The following CELF2 variants were observed in gnomAD, a reference collection of about 807,000 sequenced individuals.
CELF2 encodes the protein CUG triplet repeat RNA-binding protein 2.
In CELF2, 8 loss-of-function variants were observed where a neutral mutation model predicts 62.6. The ratio of observed to expected loss-of-function variants is 0.13; its 90% CI spans 0.07 to 0.23. The LOEUF (loss-of-function observed/expected upper bound fraction) is 0.23. Ranked by LOEUF, CELF2 falls within the 10% of genes least tolerant of loss-of-function variation. The pLI is 1.00. For missense variants in CELF2, 333 were observed against 671.0 expected (o/e 0.50, Z 5.56); for synonymous variants, 258 against 250.0 (o/e 1.03, Z -0.30).
At chr10:10,791,553 ATAGTT>A in the CELF2 span, among the ~76,000 whole-genome samples, 1 of 152,194 alleles carries the variant, frequency 6.6e-6, no homozygotes, top group Non-Finnish European at 1.5e-5. Context: ...TTTTACTAGA[ATAGTT>A]TAGTGTATTT....
rs767636820 is a variant in CELF2 at position 11,207,004 on chromosome 10, A to G, written c.272-10421A>G. Among the ~76,000 whole-genome samples, 16 of 152,232 alleles carry G rather than the reference A, an allele frequency of 1.1e-4. No homozygotes were observed. Among genetic ancestry groups the G allele is most frequent in the Non-Finnish European group, 1.8e-4 (12 of 68,042 alleles). ...AAAGGATGATGCTGAAATTCTTCCA[A>G]TGCTTTCATAGCTATTAGACAATTG... On this transcript the variant is annotated intron_variant, in intron 2 of 12. Coordinates refer to ENST00000633077, the MANE Select transcript of CELF2 (RefSeq NM_001326342.2). This position sits in a 1 kb window ranked among gnomAD's most constrained non-coding sequence, Gnocchi z 4.1.
At chr10:11,164,187 G>A (rs538795464) in intron 1 of CELF2, among the ~76,000 whole-genome samples, 1 of 152,344 alleles carries the variant, frequency 6.6e-6, no homozygotes, top group South Asian at 2.1e-4. Flanking sequence ...GCGCAGTGCT[G>A]CAAATGAGCT....
At chr10:11,014,373 C>T (rs78511916), upstream of CELF2, among the ~76,000 whole-genome samples, 1,274 of 152,298 alleles carry the variant, frequency 8.4e-3, 19 homozygotes, top group African/African-American at 0.029. Context: ...GGAAATGTCA[C>T]AAGATATACA....
rs59198738 is a variant in CELF2, at chr10:11,232,689, C to T, written c.354+15182C>T. 4.7e-3 allele frequency among the ~76,000 whole-genome samples: 711 copies of T among 152,278 alleles called. 11 individuals carry two copies. Among genetic ancestry groups the T allele is most frequent in the African/African-American group, 0.016 (678 of 41,556 alleles). On this transcript the variant is annotated intron_variant, in intron 3 of 12. Transcript: ENST00000633077. Reference sequence around the variant, plus strand: ...TGGTACTGATTTCAAGGACACACCACGCTATATTTTTACATAATCTGCTTC... The same window carrying T: ...TGGTACTGATTTCAAGGACACACCATGCTATATTTTTACATAATCTGCTTC...
In CELF2 at chr10:11,018,116, C is replaced by G. The variant is rs1296008747; in HGVS notation, c.27C>G (p.Phe9Leu). The G allele has an allele frequency of 6.6e-7, 1 of 1,512,408 alleles. No homozygotes were observed. Among genetic ancestry groups the G allele is most frequent in the Non-Finnish European group, 8.9e-7 (1 of 1,126,506 alleles). 93.7% of individuals were successfully genotyped at this position (1,512,408 alleles called of 1,614,324 possible). A position where few individuals can be genotyped will look rare whatever the true frequency, so the allele number is the denominator to read the frequency against. The change falls in exon 1 of 13, where the codon TTC becomes TTG. Residue 9 changes from phenylalanine (F) to leucine (L), a missense_variant. Around this residue, in one of 3 missense-constraint regions of CELF2, gnomAD observed 45 missense variants for 39.8 expected, o/e 1.13. Transcript: ENST00000633077. MTSAFKLD[F>L]LPDMMVEGRL... ...TGACTTCTGCCTTCAAGCTGGATTT[C>G]CTCCCGGACATGATGGTCGAGGGCC...
At chr10:10,723,239 G>T in the CELF2 span, among the ~76,000 whole-genome samples, 1 of 152,138 alleles carries the variant, frequency 6.6e-6, no homozygotes, top group Non-Finnish European at 1.5e-5. Context: ...GAAGCATTGC[G>T]CTGTGAGTAT....
chr10:10,696,288 G>GC, the CELF2 span, among the ~76,000 whole-genome samples: 1 of 151,366 alleles, frequency 6.6e-6, no homozygotes, highest in Non-Finnish European at 1.5e-5. Flanking sequence ...TGCCCCTGCT[G>GC]GGGGGTGCCT....
In CELF2 at chr10:10,990,001, G is replaced by A. The variant is rs1012082115; in HGVS notation, c.89+70002G>A. Among the ~76,000 whole-genome samples the A allele has an allele frequency of 7.9e-5, 12 of 152,034 alleles. No individual in the cohort carries two copies. The highest frequency in any genetic ancestry group is 2.9e-4 in the African/African-American group (12 of 41,428). ...TAGCAAGCCACTCTTGTATATGGGG[G>A]AATGTCCATTGCAAATCTGCAAAGC... On this transcript the variant is annotated intron_variant, in intron 2 of 13. Transcript: ENST00000636488. This position sits in a 1 kb window ranked among gnomAD's most constrained non-coding sequence, Gnocchi z 4.6.
chr10:11,112,705 C>T (rs2055515105), intron 1 of CELF2, among the ~76,000 whole-genome samples: 1 of 152,252 alleles, frequency 6.6e-6, no homozygotes, highest in Non-Finnish European at 1.5e-5. Context: ...TTAATGCAAG[C>T]ATCTGTGAGA....
chr10:10,649,252 C>T, the CELF2 span, among the ~76,000 whole-genome samples: 4 of 152,168 alleles, frequency 2.6e-5, no homozygotes, highest in Admixed American at 2.0e-4. Context: ...ACAACATTTT[C>T]TGAATGCATT....
chr10:10,926,394 A>G (rs1414190398), intron 2 of CELF2, among the ~76,000 whole-genome samples: 1 of 152,170 alleles, frequency 6.6e-6, no homozygotes, highest in Non-Finnish European at 1.5e-5. Flanking sequence ...CTGCCATGTG[A>G]GGACACCGTA....
At chr10:10,561,368 G>A in the CELF2 span, among the ~76,000 whole-genome samples, 1 of 152,268 alleles carries the variant, frequency 6.6e-6, no homozygotes. Context: ...GTGTTGGAAA[G>A]TACATAGTCA....
chr10:10,516,490 T>C, the CELF2 span, among the ~76,000 whole-genome samples: 2 of 152,186 alleles, frequency 1.3e-5, no homozygotes, highest in Non-Finnish European at 2.9e-5. Context: ...TGTACACTGA[T>C]TGCTATGTGG....
At chr10:10,593,571 G>A in the CELF2 span, among the ~76,000 whole-genome samples, 1 of 152,178 alleles carries the variant, frequency 6.6e-6, no homozygotes, top group African/African-American at 2.4e-5. Flanking sequence ...TCAAGGGTGT[G>A]GGCACAGGGA....
the CELF2 span, among the ~76,000 whole-genome samples, chr10:10,578,193 C>G: frequency 0.13 from 20,237 of 152,050 alleles, 1,311 homozygotes; most frequent in Non-Finnish European, 0.15. Context: ...CCTTCACCCA[C>G]TTTTTGATGG....
In CELF2 at chr10:10,799,130, G is replaced by T. The variant is rs370661317; in HGVS notation, c.53+313G>T. Among the ~76,000 whole-genome samples the T allele has an allele frequency of 6.6e-5, 10 of 152,262 alleles. No individual in the cohort carries two copies. The South Asian group carries it at 2.1e-3, about 32-fold the overall frequency. On this transcript the variant is annotated intron_variant, in intron 1 of 13. Transcript: ENST00000636488. The stretch of plus-strand genomic sequence containing the variant: ...CTCATATTGAATTTTTGGGCTTCAG[G>T]GGGGCATTAAAGGTGTGAGGTGGAA...
At chr10:11,322,538 T>G (rs2095497835) in intron 11 of CELF2, among the ~76,000 whole-genome samples, 1 of 152,180 alleles carries the variant, frequency 6.6e-6, no homozygotes, top group South Asian at 2.1e-4. Context: ...AGGGAGATTT[T>G]TTGAAGTTTC....
chr10:10,478,017 C>G, the CELF2 span, among the ~76,000 whole-genome samples: 1 of 152,154 alleles, frequency 6.6e-6, no homozygotes, highest in South Asian at 2.1e-4. Flanking sequence ...TCACTTCTTA[C>G]TGTTGAGTCA....
the CELF2 span, among the ~76,000 whole-genome samples, chr10:10,551,818 C>A: frequency 3.3e-5 from 5 of 152,208 alleles, no homozygotes; most frequent in African/African-American, 1.2e-4. Context: ...AACTTCCTTG[C>A]CCTCTGACCC....
Sources: allele counts gnomAD v4.1 joint callset (sites outside exome capture counted in the v4.1 genomes callset), GRCh38; gene constraint gnomAD v4.1.1; regional missense constraint gnomAD v4.1.1; non-coding constraint Gnocchi (gnomAD v3.1); transcripts MANE v1.5; gene names NCBI Gene and HGNC (gene_info 2026-07-23, HGNC 2026-07-21).